The following SATL1 variants were observed in gnomAD, a reference collection of about 807,000 sequenced individuals.
SATL1 encodes the protein spermidine/spermine N1-acetyl transferase like 1, also known as spermidine/spermine N(1)-acetyltransferase-like protein 1.
Under a neutral mutation model 51.8 loss-of-function variants are expected in SATL1, and 47 were observed. The observed-to-expected ratio is 0.91, with a 90% CI of 0.72 to 1.16. The LOEUF (loss-of-function observed/expected upper bound fraction) is 1.16. SATL1 is among the 50% of genes most tolerant of loss of function. The pLI, the probability that SATL1 is intolerant of heterozygous loss-of-function variation, is 0.00. For missense variants in SATL1, 520 were observed against 526.4 expected (o/e 0.99, Z 0.12); for synonymous variants, 176 against 182.4 (o/e 0.97, Z 0.28).
intron 2 of SATL1, among the ~76,000 whole-genome samples, chrX:85,174,271 C>A (rs1053483138): frequency 9.1e-6 from 1 of 109,729 alleles, no homozygotes; most frequent in Non-Finnish European, 1.9e-5. Flanking sequence ...ATAAAAAGAC[C>A]AAATACCTAA....
At chrX:85,129,362 A>G (rs1378095411) in intron 2 of SATL1, among the ~76,000 whole-genome samples, 2 of 111,402 alleles carry the variant, frequency 1.8e-5, no homozygotes, top group East Asian at 2.8e-4. Context: ...GGTCCTTCAC[A>G]TCCCTTGTAA....
At chrX:85,241,090 T>C (rs751264985) in intron 1 of SATL1, among the ~76,000 whole-genome samples, 162 of 111,450 alleles carry the variant, frequency 1.5e-3, no homozygotes, top group African/African-American at 5.1e-3. Flanking sequence ...ACTTTTTGAG[T>C]GTCATTTTGT....
chrX:85,100,060 G>C (rs1378037191), intron 4 of SATL1, among the ~76,000 whole-genome samples: 1 of 112,153 alleles, frequency 8.9e-6, no homozygotes, highest in Non-Finnish European at 1.9e-5. Flanking sequence ...ACAAAAATTA[G>C]CCAGGTGTGG....
intron 1 of SATL1, among the ~76,000 whole-genome samples, chrX:85,239,561 T>C (rs1928545242): frequency 8.9e-6 from 1 of 111,904 alleles, no homozygotes; most frequent in Non-Finnish European, 1.9e-5. Context: ...GCTCATTACA[T>C]TTTGACAAAA....
At chrX:85,176,508 T>C (rs988291030) in intron 2 of SATL1, among the ~76,000 whole-genome samples, 3 of 111,588 alleles carry the variant, frequency 2.7e-5, no homozygotes, top group Non-Finnish European at 5.7e-5. Flanking sequence ...ATCTATACAA[T>C]GGAATGCTAT....
chrX:85,205,909 A>C (rs758816577), intron 2 of SATL1, among the ~76,000 whole-genome samples: 1 of 111,658 alleles, frequency 9.0e-6, no homozygotes, highest in African/African-American at 3.3e-5. Flanking sequence ...GATAGAGAGA[A>C]GTGGGCTTCG....
At chrX:85,141,930 T>C (rs1260079205) in intron 2 of SATL1, among the ~76,000 whole-genome samples, 1 of 106,812 alleles carries the variant, frequency 9.4e-6, no homozygotes, top group Non-Finnish European at 1.9e-5. Flanking sequence ...TTTCCAAAAA[T>C]GTGCATGTAT....
intron 2 of SATL1, among the ~76,000 whole-genome samples, chrX:85,179,170 C>A (rs1001804949): frequency 9.0e-6 from 1 of 111,497 alleles, no homozygotes; most frequent in Non-Finnish European, 1.9e-5. Context: ...ATGTAAATAG[C>A]CACATGTGGC....
chrX:85,103,010 A>T (rs1316625740), intron 4 of SATL1, among the ~76,000 whole-genome samples: 1 of 111,464 alleles, frequency 9.0e-6, no homozygotes, highest in Non-Finnish European at 1.9e-5. Context: ...TAGAGTGTAC[A>T]TTACTTTCAA....
rs143885280 is a variant in SATL1, at chrX:85,178,802, A to G, written c.-313+45403T>C. ...CCTCACTCACCATGAAAGAACAAGA[A>G]TTATTGGTCTATAGTTCTCATTATT... On this transcript the variant is annotated intron_variant, in intron 2 of 7. Transcript: ENST00000644105. 3.0e-3 allele frequency among the ~76,000 whole-genome samples: 333 copies of G among 111,470 alleles called. 2 individuals are homozygous for G. Among genetic ancestry groups the G allele is most frequent in the Non-Finnish European group, 4.8e-3 (255 of 52,941 alleles).
intron 1 of SATL1, among the ~76,000 whole-genome samples, chrX:85,231,379 A>G (rs776531977): frequency 8.9e-6 from 1 of 111,928 alleles, no homozygotes; most frequent in South Asian, 3.8e-4. Context: ...AGGTGGAATA[A>G]GATGGCCAAA....
intron 2 of SATL1, among the ~76,000 whole-genome samples, chrX:85,179,447 A>G (rs1927154057): frequency 8.9e-6 from 1 of 111,867 alleles, no homozygotes; most frequent in African/African-American, 3.2e-5. Flanking sequence ...TGTGATCAGC[A>G]TCTGAGAAAT....
At chrX:85,151,167 C>A (rs1317982346) in intron 2 of SATL1, among the ~76,000 whole-genome samples, 3 of 109,264 alleles carry the variant, frequency 2.7e-5, no homozygotes, top group South Asian at 4.1e-4. Context: ...TCTTATACAC[C>A]AATAACAGAC....
At chrX:85,152,215 A>C (rs1402934750) in intron 2 of SATL1, among the ~76,000 whole-genome samples, 3 of 112,374 alleles carry the variant, frequency 2.7e-5, no homozygotes, top group Non-Finnish European at 5.6e-5. Flanking sequence ...CACATAAAAA[A>C]ATGCTCACCA....
intron 4 of SATL1, among the ~76,000 whole-genome samples, chrX:85,100,010 A>C (rs1325205360): frequency 8.9e-6 from 1 of 112,645 alleles, no homozygotes; most frequent in Non-Finnish European, 1.9e-5. Context: ...GTTTGTGACC[A>C]GTCTGGCCAA....
intron 2 of SATL1, among the ~76,000 whole-genome samples, chrX:85,200,468 A>T (rs1050208240): frequency 9.8e-5 from 11 of 112,147 alleles, no homozygotes; most frequent in African/African-American, 3.2e-4. Context: ...AGACATTGTT[A>T]TTATTAGTTC....
At chrX:85,191,028 T>C (rs988949096) in intron 2 of SATL1, among the ~76,000 whole-genome samples, 2 of 106,641 alleles carry the variant, frequency 1.9e-5, no homozygotes, top group East Asian at 6.0e-4. Context: ...AAATGATGAG[T>C]TAACGGGTGC....
intron 1 of SATL1, among the ~76,000 whole-genome samples, chrX:85,237,408 C>T (rs1928501799): frequency 9.0e-6 from 1 of 111,054 alleles, no homozygotes. Context: ...AGAAACAAAT[C>T]CACACACCTA....
Position 85,093,166 on chromosome X carries a change from T to C in SATL1, c.1917+19A>G. The C allele has an allele frequency of 8.7e-7, 1 of 1,146,957 alleles. No homozygotes were observed. Among genetic ancestry groups the C allele is most frequent in the East Asian group, 3.3e-5 (1 of 30,564 alleles). 94.5% of individuals were successfully genotyped at this position (1,146,957 alleles called of 1,213,427 possible). ...AAAAGGTTAATGTATAGAATATCAA[T>C]ACTAATTGTAATACATACCTGACTT... On this transcript the variant is annotated intron_variant, in intron 7 of 7. Transcript: ENST00000644105.
Sources: allele counts gnomAD v4.1 joint callset (sites outside exome capture counted in the v4.1 genomes callset), GRCh38; gene constraint gnomAD v4.1.1; transcripts MANE v1.5; gene names NCBI Gene and HGNC (gene_info 2026-07-23, HGNC 2026-07-21).